The following FGF12 variants were observed in gnomAD, a reference collection of about 807,000 sequenced individuals.
FGF12 encodes the protein fibroblast growth factor 12B.
Under a neutral mutation model 23.6 loss-of-function variants are expected in FGF12, and 14 were observed. The observed-to-expected ratio is 0.59, with a 90% CI of 0.39 to 0.93. FGF12 has a LOEUF of 0.93. Among genes scored for constraint, FGF12 ranks in the 40% least tolerant of loss-of-function variants. FGF12 has a pLI of 0.00. For missense variants in FGF12, 175 were observed against 217.8 expected (o/e 0.80, Z 1.24); for synonymous variants, 62 against 77.3 (o/e 0.80, Z 1.04).
Position 192,499,470 on chromosome 3 carries a change from T to C in FGF12, c.14-138932A>G, listed in dbSNP as rs1157114369. Among the ~76,000 whole-genome samples the C allele has an allele frequency of 4.4e-5, 6 of 135,562 alleles. No homozygotes were observed. The East Asian group carries it at 1.4e-3, about 31-fold the overall frequency. The allele number at this position is 135,562 out of a possible 152,430, so 88.9% of individuals were successfully genotyped here. ...CTGCCAACTAAAAGGGTGCATTCAA[T>C]GCCTCCAATTGTTGCTAGCATCCAT... On this transcript the variant is annotated intron_variant, in intron 2 of 5. Transcript: ENST00000445105.
chr3:192,585,866 C>T (rs1210986490), intron 2 of FGF12, among the ~76,000 whole-genome samples: 1 of 151,986 alleles, frequency 6.6e-6, no homozygotes, highest in Non-Finnish European at 1.5e-5. Context: ...TATACTTAGT[C>T]GAATGTGTTT....
chr3:192,418,290 A>G (rs1012212345), intron 2 of FGF12, among the ~76,000 whole-genome samples: 1 of 152,170 alleles, frequency 6.6e-6, no homozygotes, highest in Admixed American at 6.5e-5. Flanking sequence ...AATAACAAAC[A>G]TAATTAATTA....
At chr3:192,564,645 C>T (rs1335914377) in intron 2 of FGF12, among the ~76,000 whole-genome samples, 1 of 152,146 alleles carries the variant, frequency 6.6e-6, no homozygotes, top group Non-Finnish European at 1.5e-5. Flanking sequence ...CAACAGAAAC[C>T]AGTGATCACA....
At position 192,269,068 on chromosome 3, in the gene FGF12, C is replaced by A. The variant is rs536940016; in HGVS notation, c.228+66293G>T. On this transcript the variant is annotated intron_variant, in intron 4 of 5. Transcript: ENST00000445105. ...TAGCTGGGATTACAGGCGTGTGCCA[C>A]CACGCCTGGCTAATTTTTGTATTTT... Among the ~76,000 whole-genome samples, 7 of 152,162 alleles carry A rather than the reference C, an allele frequency of 4.6e-5. No homozygotes were observed. The East Asian group carries it at 7.8e-4, about 17-fold the overall frequency.
At chr3:192,439,338 T>C (rs1481563992) in intron 2 of FGF12, among the ~76,000 whole-genome samples, 1 of 152,222 alleles carries the variant, frequency 6.6e-6, no homozygotes, top group East Asian at 1.9e-4. Flanking sequence ...TCCAACACAA[T>C]GCAGAGCTCT....
chr3:192,169,039 G>C (rs1265101913), intron 5 of FGF12, among the ~76,000 whole-genome samples: 2 of 151,922 alleles, frequency 1.3e-5, no homozygotes, highest in African/African-American at 4.8e-5. Context: ...AACAAAATGA[G>C]CCCAATAAGA....
At chr3:192,693,123 T>C (rs746644392) in intron 2 of FGF12, among the ~76,000 whole-genome samples, 2 of 152,038 alleles carry the variant, frequency 1.3e-5, no homozygotes, top group Non-Finnish European at 2.9e-5. Context: ...AAAAATCAAT[T>C]GTATATCTTT....
At chr3:192,526,096 C>A (rs978438585) in intron 2 of FGF12, among the ~76,000 whole-genome samples, 1 of 152,188 alleles carries the variant, frequency 6.6e-6, no homozygotes, top group African/African-American at 2.4e-5. Flanking sequence ...ATGTTCATGT[C>A]TACATGTTTT....
chr3:192,631,883 G>T (rs1017807881), intron 2 of FGF12, among the ~76,000 whole-genome samples: 6 of 152,162 alleles, frequency 3.9e-5, no homozygotes, highest in Non-Finnish European at 8.8e-5. Context: ...TGCTAGTGGG[G>T]GAAGCTCATC....
At chr3:192,646,068 C>A (rs1194356442) in intron 2 of FGF12, among the ~76,000 whole-genome samples, 3 of 152,012 alleles carry the variant, frequency 2.0e-5, no homozygotes, top group African/African-American at 7.3e-5. Context: ...TGTGAAGACC[C>A]CAAAACGAGA....
At chr3:192,588,864 G>A (rs1385492055) in intron 2 of FGF12, among the ~76,000 whole-genome samples, 1 of 150,948 alleles carries the variant, frequency 6.6e-6, no homozygotes, top group Non-Finnish European at 1.5e-5. Context: ...GTTTGTTCTA[G>A]AGAGTAAAAG....
intron 4 of FGF12, among the ~76,000 whole-genome samples, chr3:192,242,162 A>G (rs1719647509): frequency 6.6e-6 from 1 of 152,202 alleles, no homozygotes; most frequent in African/African-American, 2.4e-5. Flanking sequence ...TGATTAAAAT[A>G]AATTGATGAA....
At chr3:192,708,785 C>T (rs1196466856) in intron 2 of FGF12, among the ~76,000 whole-genome samples, 8 of 152,140 alleles carry the variant, frequency 5.3e-5, no homozygotes, top group Non-Finnish European at 1.0e-4. Context: ...GAGAAAATTA[C>T]AATCTAAGCA....
intron 2 of FGF12, among the ~76,000 whole-genome samples, chr3:192,390,149 T>C (rs552499237): frequency 1.3e-5 from 2 of 152,374 alleles, no homozygotes; most frequent in African/African-American, 4.8e-5. Context: ...TTTTGTGTCA[T>C]ATATTTCTGA....
At chr3:192,725,439 G>A (rs78194660) in intron 2 of FGF12, among the ~76,000 whole-genome samples, 2,110 of 152,036 alleles carry the variant, frequency 0.014, 49 homozygotes, top group African/African-American at 0.049. Flanking sequence ...GATTCTTTTC[G>A]GATGTATTTC....
intron 4 of FGF12, among the ~76,000 whole-genome samples, chr3:192,252,462 C>CAAAAAAA (rs56920518): frequency 0.018 from 498 of 27,582 alleles, 7 homozygotes; most frequent in Non-Finnish European, 0.024. Context: ...GAATCTGTCT[C>CAAAAAAA]AAAAAAAAAA....
chr3:192,726,970 T>C, intron 2 of FGF12: 1 of 616,496 alleles, frequency 1.6e-6, no homozygotes, highest in Non-Finnish European at 2.9e-6. Flanking sequence ...ACGCAACTGA[T>C]GGAGTATTAA....
At chr3:192,662,750 AT>A (rs1339644313) in intron 2 of FGF12, among the ~76,000 whole-genome samples, 1 of 152,058 alleles carries the variant, frequency 6.6e-6, no homozygotes, top group Non-Finnish European at 1.5e-5. Context: ...TTCTACCAAC[AT>A]TTTCCCTTAT....
At chr3:192,150,481 T>C (rs922858318) in intron 5 of FGF12, among the ~76,000 whole-genome samples, 7 of 131,314 alleles carry the variant, frequency 5.3e-5, no homozygotes, top group Admixed American at 4.7e-4. Flanking sequence ...CCATCTTGAA[T>C]TGATTTTTGT....
Sources: gnomAD v4.1 joint callset for allele counts (sites outside exome capture counted in the v4.1 genomes callset) on GRCh38, gnomAD v4.1.1 for gene constraint, MANE v1.5 for transcripts, NCBI Gene and HGNC (gene_info 2026-07-23, HGNC 2026-07-21) for gene names.